NCKAP1: variants seen among roughly 807,000 people sequenced by gnomAD.
NCKAP1 encodes the protein NCK associated protein 1.
In NCKAP1, 21 loss-of-function variants were observed where a neutral mutation model predicts 151.2. That is an observed-to-expected ratio of 0.14 (90% CI 0.10 to 0.20). NCKAP1 has a LOEUF of 0.20. Among genes scored for constraint, NCKAP1 ranks in the 10% least tolerant of loss-of-function variants. The probability of loss-of-function intolerance (pLI) is 1.00; values close to 1 mark genes in which losing one functional copy is unlikely to be tolerated. For synonymous variants in NCKAP1, 484 were observed against 451.8 expected (o/e 1.07, Z -0.90); for missense variants, 933 against 1,352.1 (o/e 0.69, Z 4.86).
At chr2:183,031,862 A>T (rs1370369857) in intron 1 of NCKAP1, among the ~76,000 whole-genome samples, 3 of 152,228 alleles carry the variant, frequency 2.0e-5, no homozygotes, top group Non-Finnish European at 4.4e-5. Flanking sequence ...GCATAACAGA[A>T]GCTGAGAGCA....
intron 23 of NCKAP1, among the ~76,000 whole-genome samples, chr2:182,942,977 C>T (rs1045793801): frequency 6.6e-6 from 1 of 152,150 alleles, no homozygotes; most frequent in African/African-American, 2.4e-5. Context: ...GTGCGGTCTG[C>T]TTTCACCACT....
chr2:183,020,107 A>AT (rs1466072919), intron 2 of NCKAP1, among the ~76,000 whole-genome samples: 2 of 152,214 alleles, frequency 1.3e-5, no homozygotes, highest in Non-Finnish European at 2.9e-5. Context: ...AAAATCAACA[A>AT]TTTTTTAGCT....
chr2:183,024,006 TTTA>T, intron 1 of NCKAP1, 90 bp from the exon 2 acceptor site: 1 of 1,030,228 alleles, frequency 9.7e-7, no homozygotes, highest in Non-Finnish European at 1.5e-6. Flanking sequence ...TAAAGAGATA[TTTA>T]TTGTTTTTGG....
intron 1 of NCKAP1, among the ~76,000 whole-genome samples, chr2:183,027,811 A>C (rs1698927228): frequency 6.6e-6 from 1 of 152,206 alleles, no homozygotes; most frequent in Non-Finnish European, 1.5e-5. Context: ...AAACTCAAAA[A>C]ACTTTCATTT....
intron 10 of NCKAP1, among the ~76,000 whole-genome samples, chr2:182,985,491 G>GAT (rs1698035586): frequency 6.6e-6 from 1 of 152,004 alleles, no homozygotes; most frequent in African/African-American, 2.4e-5. Context: ...TTAAAATTGG[G>GAT]AAAGAGGTGT....
chr2:183,023,978 A>G (rs1698842654), intron 1 of NCKAP1, 62 bp from the exon 2 acceptor site: 1 of 1,189,406 alleles, frequency 8.4e-7, no homozygotes, highest in East Asian at 2.3e-5. Flanking sequence ...CAAAAATAGC[A>G]AATCTGCAAT....
intron 8 of NCKAP1, among the ~76,000 whole-genome samples, 174 bp from the exon 9 acceptor site, chr2:182,989,360 A>G (rs953447632): frequency 1.3e-5 from 2 of 152,232 alleles, no homozygotes; most frequent in African/African-American, 4.8e-5. Flanking sequence ...TTTTCCAATT[A>G]TAATTTTCTG....
intron 18 of NCKAP1, among the ~76,000 whole-genome samples, chr2:182,960,955 A>G (rs141821344): frequency 0.049 from 7,416 of 152,306 alleles, 593 homozygotes; most frequent in African/African-American, 0.17. Flanking sequence ...GAAGACATTT[A>G]TGCAGCCAAA....
Position 182,910,069 on chromosome 2 carries a change from G to C in NCKAP1, c.*15633C>G, listed in dbSNP as rs559184753. 1.5e-3 allele frequency: 231 copies of C among 152,360 alleles called. 2 individuals are homozygous for C. Among genetic ancestry groups the C allele is most frequent in the African/African-American group, 5.4e-3 (223 of 41,572 alleles). 9.4% of individuals were successfully genotyped at this position (152,360 alleles called of 1,614,324 possible). On this transcript the variant is annotated 3_prime_UTR_variant, in exon 31 of 31. Transcript: ENST00000361354. ...TTCAACCGCTGAGCCCTAGAGTTAAGGAGAAACAGTGGTTTCTGCAAAGCT... is the reference window on the plus strand; with the variant it reads ...TTCAACCGCTGAGCCCTAGAGTTAACGAGAAACAGTGGTTTCTGCAAAGCT...
chr2:182,983,190 T>A, intron 11 of NCKAP1, 96 bp downstream of exon 11: 1 of 968,796 alleles, frequency 1.0e-6, no homozygotes, highest in Non-Finnish European at 1.6e-6. Flanking sequence ...TCCTTTTATG[T>A]AGTCCCTGAC....
At chr2:182,973,941 A>T (rs1336067777) in intron 15 of NCKAP1, among the ~76,000 whole-genome samples, 1 of 152,174 alleles carries the variant, frequency 6.6e-6, no homozygotes, top group African/African-American at 2.4e-5. Flanking sequence ...TTAATCTTTC[A>T]GATTTTCAGC....
chr2:182,951,176 A>G (rs187900348), intron 23 of NCKAP1, among the ~76,000 whole-genome samples: 45 of 152,090 alleles, frequency 3.0e-4, no homozygotes, highest in African/African-American at 1.0e-3. Flanking sequence ...CTCTCCTTAA[A>G]TCTTTGATTA....
chr2:182,988,922 T>C (rs962024259), intron 9 of NCKAP1, 108 bp downstream of exon 9: 3 of 911,466 alleles, frequency 3.3e-6, no homozygotes, highest in African/African-American at 3.3e-5. Flanking sequence ...TGGTATAGGC[T>C]GTATCTTCCT....
intron 1 of NCKAP1, among the ~76,000 whole-genome samples, chr2:183,026,468 G>T (rs1698899591): frequency 6.8e-6 from 1 of 147,350 alleles, no homozygotes; most frequent in Non-Finnish European, 1.5e-5. Flanking sequence ...GTGAAGCTCT[G>T]TCTCTTAAAA....
chr2:182,997,511 G>C (rs1049385170), intron 6 of NCKAP1, among the ~76,000 whole-genome samples: 21 of 152,222 alleles, frequency 1.4e-4, no homozygotes, highest in Admixed American at 3.3e-4. Flanking sequence ...AAGTCATTCA[G>C]GATAAAATTG....
At position 183,038,033 on chromosome 2, in the gene NCKAP1, G is replaced by A. The variant is rs371539335; in HGVS notation, c.67C>T (p.Arg23Trp). The A allele has an allele frequency of 1.3e-6, 2 of 1,584,752 alleles. No homozygotes were observed. The highest frequency in any genetic ancestry group is 1.1e-5 in the South Asian group (1 of 88,912). ...LAEKLTILNDRGVGMLTRLYN... is the reference protein window; with the variant it reads ...LAEKLTILNDWGVGMLTRLYN... Reference sequence around the variant, plus strand: ...AGGCGGGTGAGCATGCCGACGCCCCGGTCGTTGAGGATGGTGAGCTTCTCC... The same window carrying A: ...AGGCGGGTGAGCATGCCGACGCCCCAGTCGTTGAGGATGGTGAGCTTCTCC... Residue 23 changes from arginine (R) to tryptophan (W), a missense_variant, in exon 1 of 31, where the codon CGG (arginine) becomes TGG (tryptophan). Around this residue, in one of 2 missense-constraint regions of NCKAP1, gnomAD observed 607 missense variants for 795.0 expected, o/e 0.76. Transcript: ENST00000361354.
chr2:182,970,510 A>G (rs1290677893), intron 15 of NCKAP1, among the ~76,000 whole-genome samples: 1 of 152,248 alleles, frequency 6.6e-6, no homozygotes, highest in Non-Finnish European at 1.5e-5. Flanking sequence ...AAAATTCAAC[A>G]TCTCTTCATA....
intron 13 of NCKAP1, among the ~76,000 whole-genome samples, chr2:182,980,536 G>T (rs1187549830): frequency 6.6e-6 from 1 of 151,574 alleles, no homozygotes; most frequent in Non-Finnish European, 1.5e-5. Context: ...CTTAGAGTCA[G>T]TTTATTTGGA....
Position 182,919,156 on chromosome 2 carries a change from T to C in NCKAP1, c.*6546A>G, listed in dbSNP as rs1340093687. ...CAATAAACATTAGCTCTCATTATTA[T>C]TCTAGTCAGCATTTTTGGCTTGATA... On this transcript the variant is annotated 3_prime_UTR_variant, in exon 31 of 31. Transcript: ENST00000361354. 1 of 152,230 alleles carries C rather than the reference T, an allele frequency of 6.6e-6. No individual in the cohort carries two copies. The highest frequency in any genetic ancestry group is 1.5e-5 in the Non-Finnish European group (1 of 68,044). 9.4% of individuals were successfully genotyped at this position (152,230 alleles called of 1,614,324 possible). A position where few individuals can be genotyped will look rare whatever the true frequency, so the allele number is the denominator to read the frequency against.
Sources: allele counts gnomAD v4.1 joint callset (sites outside exome capture counted in the v4.1 genomes callset), GRCh38; gene constraint gnomAD v4.1.1; regional missense constraint gnomAD v4.1.1; transcripts MANE v1.5; gene names NCBI Gene and HGNC (gene_info 2026-07-23, HGNC 2026-07-21).